DGKB: variants seen among roughly 807,000 people sequenced by gnomAD.
DGKB encodes the protein diacylglycerol kinase beta.
Under a neutral mutation model 114.3 loss-of-function variants are expected in DGKB, and 67 were observed. The observed-to-expected ratio is 0.59, with a 90% confidence interval of 0.48 to 0.72. The LOEUF (loss-of-function observed/expected upper bound fraction) is 0.72, where lower values mean the gene tolerates loss of function less well. Ranked by LOEUF, DGKB falls within the 30% of genes least tolerant of loss-of-function variation. The probability of loss-of-function intolerance (pLI) is 0.00; values close to 1 mark genes in which losing one functional copy is unlikely to be tolerated. For synonymous variants in DGKB, 398 were observed against 323.1 expected (o/e 1.23, Z -2.49); for missense variants, 907 against 975.2 (o/e 0.93, Z 0.93).
chr7:14,671,890 T>G (rs574242834), intron 13 of DGKB, among the ~76,000 whole-genome samples: 2 of 152,280 alleles, frequency 1.3e-5, no homozygotes, highest in South Asian at 2.1e-4. Context: ...GGCTCTCATT[T>G]TATTTAATTA....
chr7:14,890,101 A>T (rs577116791), intron 1 of DGKB, among the ~76,000 whole-genome samples: 1 of 151,698 alleles, frequency 6.6e-6, no homozygotes, highest in South Asian at 2.1e-4. Context: ...AGTTTTCATT[A>T]TCTTGCAAAG....
chr7:14,882,310 A>T (rs1419475684), intron 1 of DGKB, among the ~76,000 whole-genome samples: 1 of 152,066 alleles, frequency 6.6e-6, no homozygotes, highest in Non-Finnish European at 1.5e-5. Flanking sequence ...AGAGTCTTGG[A>T]TTTCACACAA....
intron 23 of DGKB, among the ~76,000 whole-genome samples, chr7:14,275,593 T>C (rs1053298695): frequency 2.6e-5 from 4 of 152,182 alleles, no homozygotes; most frequent in South Asian, 2.1e-4. Flanking sequence ...CCAATTCACA[T>C]AGGGTCTCTG....
intron 18 of DGKB, among the ~76,000 whole-genome samples, chr7:14,582,218 T>A (rs977249637): frequency 6.6e-6 from 1 of 152,306 alleles, no homozygotes; most frequent in Non-Finnish European, 1.5e-5. Flanking sequence ...AGTCAATATT[T>A]GTTTTGGATT....
intron 1 of DGKB, among the ~76,000 whole-genome samples, chr7:14,872,781 A>G (rs570584750): frequency 6.6e-6 from 1 of 150,794 alleles, no homozygotes; most frequent in East Asian, 1.9e-4. Flanking sequence ...TCTAAATTTG[A>G]TTGTTTATGT....
chr7:14,497,290 C>A (rs771956565), intron 20 of DGKB, among the ~76,000 whole-genome samples: 1 of 151,624 alleles, frequency 6.6e-6, no homozygotes, highest in Non-Finnish European at 1.5e-5. Context: ...CACCACTGTA[C>A]AATTCACCCA....
At chr7:14,721,620 A>G (rs917115489) in intron 5 of DGKB, among the ~76,000 whole-genome samples, 2 of 152,132 alleles carry the variant, frequency 1.3e-5, no homozygotes, top group Admixed American at 6.5e-5. Flanking sequence ...ATTGTGTCAC[A>G]GTTTTACATT....
intron 5 of DGKB, among the ~76,000 whole-genome samples, chr7:14,728,139 T>C (rs1419252588): frequency 6.6e-6 from 1 of 152,154 alleles, no homozygotes; most frequent in East Asian, 1.9e-4. Flanking sequence ...AAATTAACCA[T>C]TGCCTCATCA....
rs997102742 is a variant in DGKB, at chr7:14,356,352, C to CTT, written c.1836-10963_1836-10962dup. 1.4e-3 allele frequency among the ~76,000 whole-genome samples: 106 copies of CTT among 77,222 alleles called. 7 individuals are homozygous for CTT. Among genetic ancestry groups the CTT allele is most frequent in the Admixed American group, 2.0e-3 (13 of 6,498 alleles). The allele number at this position is 77,222 out of a possible 152,430, so 50.7% of individuals were successfully genotyped here. ...TTTGTTTGCTCTTGCTTCTCTAGTT[C>CTT]TTTTTTTTTTTTTTTTTTTTTTTTT... On this transcript the variant is annotated intron_variant, in intron 21 of 25. Transcript: ENST00000402815.
chr7:14,648,637 T>A (rs1813707474), intron 13 of DGKB, among the ~76,000 whole-genome samples: 1 of 152,058 alleles, frequency 6.6e-6, no homozygotes, highest in South Asian at 2.1e-4. Flanking sequence ...GGAACAAAGC[T>A]GGATGGAGAA....
chr7:14,776,684 G>A (rs1838248388), intron 2 of DGKB, among the ~76,000 whole-genome samples: 1 of 152,250 alleles, frequency 6.6e-6, no homozygotes, highest in African/African-American at 2.4e-5. Context: ...GTATGGAAAT[G>A]CCTGGATGTC....
chr7:14,949,400 T>C (rs538275794), intron 1 of DGKB, among the ~76,000 whole-genome samples: 46 of 151,998 alleles, frequency 3.0e-4, no homozygotes, highest in African/African-American at 1.0e-3. Flanking sequence ...AGAGATGCTT[T>C]AACAGAAAAA....
intron 21 of DGKB, among the ~76,000 whole-genome samples, chr7:14,392,995 G>GTTTTTGTTTTTTTTTTTTTTTT: frequency 0.2 from 12,324 of 60,204 alleles, 4,495 homozygotes; most frequent in Non-Finnish European, 0.32. Flanking sequence ...TTTTGTTTTT[G>GTTTTTGTTTTTTTTTTTTTTTT]TTTTTTTTTT....
At chr7:14,600,335 A>G (rs1014549356) in intron 17 of DGKB, among the ~76,000 whole-genome samples, 1 of 152,172 alleles carries the variant, frequency 6.6e-6, no homozygotes, top group African/African-American at 2.4e-5. Context: ...GGTTCAATAT[A>G]AATTTTGGAG....
At chr7:14,910,198 G>A (rs185337212) in intron 1 of DGKB, among the ~76,000 whole-genome samples, 125 of 150,190 alleles carry the variant, frequency 8.3e-4, no homozygotes, top group African/African-American at 2.8e-3. Context: ...CCGAGATTGC[G>A]TCATTGCACT....
intron 1 of DGKB, among the ~76,000 whole-genome samples, chr7:14,917,428 G>T (rs777768795): frequency 6.6e-6 from 1 of 151,894 alleles, no homozygotes; most frequent in Non-Finnish European, 1.5e-5. Context: ...ACTAACATCT[G>T]TAGCAAAATA....
chr7:14,854,255 T>C (rs12669279), intron 1 of DGKB, among the ~76,000 whole-genome samples: 14,355 of 152,224 alleles, frequency 0.094, 1,225 homozygotes, highest in East Asian at 0.29. Flanking sequence ...GTCACTTTGA[T>C]ATTTAAATTC....
chr7:14,802,376 G>A (rs1367464540), intron 2 of DGKB, among the ~76,000 whole-genome samples: 1 of 152,072 alleles, frequency 6.6e-6, no homozygotes, highest in African/African-American at 2.4e-5. Flanking sequence ...AACAGTGAGT[G>A]TTATAGCATT....
chr7:14,759,998 G>A (rs925792127), intron 2 of DGKB, among the ~76,000 whole-genome samples: 3 of 152,062 alleles, frequency 2.0e-5, no homozygotes, highest in Non-Finnish European at 4.4e-5. Flanking sequence ...TTAGTCATTC[G>A]CTAATGACTA....
Sources: allele counts gnomAD v4.1 joint callset (sites outside exome capture counted in the v4.1 genomes callset), GRCh38; gene constraint gnomAD v4.1.1; transcripts MANE v1.5; gene names NCBI Gene and HGNC (gene_info 2026-07-23, HGNC 2026-07-21).